The following ZNF558 variants were observed in gnomAD, a reference collection of about 807,000 sequenced individuals.
The protein encoded by ZNF558 is zinc finger protein 558.
ZNF558 carries 23 observed loss-of-function variants against 37.6 expected under a neutral mutation model. The ratio of observed to expected loss-of-function variants is 0.61; its 90% CI spans 0.44 to 0.87. ZNF558 has a LOEUF of 0.87. Ranked by LOEUF, ZNF558 falls within the 40% of genes least tolerant of loss-of-function variation. The probability of loss-of-function intolerance (pLI) is 0.00; values close to 1 mark genes in which losing one functional copy is unlikely to be tolerated. For missense variants in ZNF558, 429 were observed against 483.7 expected (o/e 0.89, Z 1.06); for synonymous variants, 189 against 174.4 (o/e 1.08, Z -0.66).
At chr19:8,820,712 G>A (rs1188698259) in intron 7 of ZNF558, among the ~76,000 whole-genome samples, 7 of 152,108 alleles carry the variant, frequency 4.6e-5, no homozygotes, top group Non-Finnish European at 7.4e-5. Context: ...TCCTGCCCTC[G>A]TGATCCGCCC....
chr19:8,821,942 T>C, intron 6 of ZNF558, 61 bp downstream of exon 6: 1 of 1,603,578 alleles, frequency 6.2e-7, no homozygotes, highest in East Asian at 2.2e-5. Flanking sequence ...TGCTGGAAGG[T>C]ATCAAGTCCA....
At chr19:8,823,052 C>T (rs958602047) in intron 4 of ZNF558, among the ~76,000 whole-genome samples, 1 of 152,002 alleles carries the variant, frequency 6.6e-6, no homozygotes, top group African/African-American at 2.4e-5. Context: ...GGGACTCCGG[C>T]GCCTCCATAA....
chr19:8,812,105 T>C, intron 9 of ZNF558, 42 bp from the exon 10 acceptor site: 1 of 1,418,824 alleles, frequency 7.0e-7, no homozygotes, highest in African/African-American at 1.4e-5. Context: ...TTTATAATAT[T>C]TGAAATACTT....
intron 7 of ZNF558, among the ~76,000 whole-genome samples, chr19:8,815,871 C>T (rs964755051): frequency 8.6e-5 from 13 of 151,794 alleles, no homozygotes; most frequent in African/African-American, 1.9e-4. Flanking sequence ...GGGATACCAT[C>T]GAACCTACCA....
In ZNF558 at chr19:8,808,386, T is replaced by G. The variant is rs186866882; in HGVS notation, c.*2895A>C. Reference sequence around the variant, plus strand: ...AATACTTTGCTATGTAAAAATATCATCTCCACATAAAAAGGAATACAGAAT... The same window carrying G: ...AATACTTTGCTATGTAAAAATATCAGCTCCACATAAAAAGGAATACAGAAT... On this transcript the variant is annotated 3_prime_UTR_variant, in exon 10 of 10. Coordinates refer to ENST00000601372, the MANE Select transcript of ZNF558 (RefSeq NM_144693.3). 1 of 101,904 alleles carries G rather than the reference T, an allele frequency of 9.8e-6. No individual in the cohort carries two copies. The highest frequency in any genetic ancestry group is 9.7e-5 in the Admixed American group (1 of 10,352). The allele number at this position is 101,904 out of a possible 1,614,324, so 6.3% of individuals were successfully genotyped here.
chr19:8,822,123 A>G lies in ZNF558; in HGVS notation c.32-32T>C. ...GAGGAGAAATGAGTCCCATGGATTCAGGCTTGTCTGACACCCACAGATCTG... is the reference window on the plus strand; with the variant it reads ...GAGGAGAAATGAGTCCCATGGATTCGGGCTTGTCTGACACCCACAGATCTG... On this transcript the variant is annotated intron_variant, in intron 5 of 9. Coordinates refer to ENST00000601372, the MANE Select transcript of ZNF558 (RefSeq NM_144693.3). The surrounding 1 kb of genome is among the most constrained non-coding windows in gnomAD (Gnocchi z 4.4). The G allele has an allele frequency of 2.5e-6, 4 of 1,613,024 alleles. No individual in the cohort carries two copies. The highest frequency in any genetic ancestry group is 3.4e-6 in the Non-Finnish European group (4 of 1,179,330).
intron 7 of ZNF558, among the ~76,000 whole-genome samples, chr19:8,813,992 G>A (rs1418032435): frequency 6.6e-6 from 1 of 152,242 alleles, no homozygotes; most frequent in African/African-American, 2.4e-5. Flanking sequence ...AGTGATGACA[G>A]TGACAGTGGT....
In ZNF558 at chr19:8,818,858, G is replaced by C. The variant is rs189210221; in HGVS notation, c.247+2322C>G. 2.3e-3 allele frequency among the ~76,000 whole-genome samples: 353 copies of C among 152,276 alleles called. 1 individual carries two copies. The highest frequency in any genetic ancestry group is 8.1e-3 in the African/African-American group (338 of 41,554). On this transcript the variant is annotated intron_variant, in intron 7 of 9. Coordinates refer to ENST00000601372, the MANE Select transcript of ZNF558 (RefSeq NM_144693.3). The stretch of plus-strand genomic sequence containing the variant: ...ATACAGACCAATGGAACAGAATTGA[G>C]AGTATGTAAATAAACTCCAGTGTGT...
chr19:8,817,734 T>C (rs1349191521), intron 7 of ZNF558, among the ~76,000 whole-genome samples: 1 of 152,158 alleles, frequency 6.6e-6, no homozygotes, highest in Non-Finnish European at 1.5e-5. Context: ...AAAATTGTTA[T>C]AAAACAGAGA....
upstream of ZNF558, among the ~76,000 whole-genome samples, chr19:8,836,762 G>C (rs1051213361): frequency 6.6e-6 from 1 of 152,186 alleles, no homozygotes. Flanking sequence ...AAAGTGCTGG[G>C]ATTTTAGGCA....
At position 8,822,704 on chromosome 19, in the gene ZNF558, C is replaced by T; in HGVS notation, c.-45G>A. 2 of 1,613,930 alleles carry T rather than the reference C, an allele frequency of 1.2e-6. No individual in the cohort carries two copies. On this transcript the variant is annotated 5_prime_UTR_variant, in exon 5 of 10. Coordinates refer to ENST00000601372, the MANE Select transcript of ZNF558 (RefSeq NM_144693.3). This position sits in a 1 kb window ranked among gnomAD's most constrained non-coding sequence, Gnocchi z 4.4. Reference sequence around the variant, plus strand: ...CAGGGCAGCCGGGAAGCAGGACGCTCCTCCTTTATCCCGCAGCGCTCTGGA... The same window carrying T: ...CAGGGCAGCCGGGAAGCAGGACGCTTCTCCTTTATCCCGCAGCGCTCTGGA...
chr19:8,812,054 G>T lies in ZNF558; in HGVS notation c.436C>A (p.His146Asn). Reference sequence around the variant, plus strand: ...CATTCATTGAGTTTCACTCCACGATGACTTCTTTCCTGTGGATTAAGAGAT... The same window carrying T: ...CATTCATTGAGTTTCACTCCACGATTACTTCTTTCCTGTGGATTAAGAGAT... ...QSKGVKTERS[H>N]RGVKLNECNQ... Residue 146 changes from histidine to asparagine, a missense_variant, in exon 10 of 10, where the codon CAT becomes AAT. His to Asn is a moderately conservative substitution (Grantham distance 68). Coordinates refer to ENST00000601372, the MANE Select transcript of ZNF558 (RefSeq NM_144693.3). 2 of 1,583,412 alleles carry T rather than the reference G, an allele frequency of 1.3e-6. No individual in the cohort carries two copies. The highest frequency in any genetic ancestry group is 2.3e-5 in the South Asian group (2 of 85,492).
upstream of ZNF558, among the ~76,000 whole-genome samples, chr19:8,835,206 C>G (rs1431035802): frequency 2.0e-5 from 3 of 152,128 alleles, no homozygotes; most frequent in South Asian, 6.2e-4. Context: ...CGTTCACCAC[C>G]ACGCCTGGCT....
rs782648824 is a variant in ZNF558 at position 8,813,264 on chromosome 19, G to A, written c.248-42C>T. ...TACACATGATATAGGTAACAGTGCT[G>A]GGGACAACCAAGTCCATGAAAGAAA... On this transcript the variant is annotated intron_variant, in intron 7 of 9. Coordinates refer to ENST00000601372, the MANE Select transcript of ZNF558 (RefSeq NM_144693.3). The A allele has an allele frequency of 2.7e-6, 4 of 1,489,690 alleles. No individual in the cohort carries two copies. In the African/African-American group the frequency reaches 5.5e-5, roughly 21 times the overall value. 92.3% of individuals were successfully genotyped at this position (1,489,690 alleles called of 1,614,324 possible). A position where few individuals can be genotyped will look rare whatever the true frequency, so the allele number is the denominator to read the frequency against.
intron 2 of ZNF558, among the ~76,000 whole-genome samples, chr19:8,830,418 A>G (rs1165306824): frequency 6.6e-6 from 1 of 152,132 alleles, no homozygotes; most frequent in Non-Finnish European, 1.5e-5. Context: ...TTCAATCTAT[A>G]AGTTGTTGCT....
At chr19:8,814,567 C>G (rs191140364) in intron 7 of ZNF558, among the ~76,000 whole-genome samples, 1 of 152,250 alleles carries the variant, frequency 6.6e-6, no homozygotes, top group East Asian at 1.9e-4. Context: ...AGCACATACT[C>G]AGGGCTGGGA....
At chr19:8,836,397 C>T (rs1190500164), upstream of ZNF558, among the ~76,000 whole-genome samples, 1 of 151,714 alleles carries the variant, frequency 6.6e-6, no homozygotes, top group Non-Finnish European at 1.5e-5. Flanking sequence ...CTTCCTCCTC[C>T]TCCTTGTCCT....
intron 7 of ZNF558, among the ~76,000 whole-genome samples, chr19:8,814,901 C>G (rs1197580631): frequency 1.3e-5 from 2 of 152,136 alleles, no homozygotes; most frequent in Non-Finnish European, 2.9e-5. Context: ...ATATGATATT[C>G]TACAACTTTA....
chr19:8,819,618 C>T (rs1274920100), intron 7 of ZNF558, among the ~76,000 whole-genome samples: 1 of 152,096 alleles, frequency 6.6e-6, no homozygotes, highest in Non-Finnish European at 1.5e-5. Flanking sequence ...TAAAATCCGA[C>T]AACAAAAATA....
Sources: gnomAD v4.1 joint callset for allele counts (sites outside exome capture counted in the v4.1 genomes callset) on GRCh38, gnomAD v4.1.1 for gene constraint, Gnocchi (gnomAD v3.1) non-coding constraint, MANE v1.5 for transcripts, NCBI Gene and HGNC (gene_info 2026-07-23, HGNC 2026-07-21) for gene names.